The following ENAH variants were observed in gnomAD, a reference collection of about 807,000 sequenced individuals.
The protein encoded by ENAH is ENAH actin regulator.
In ENAH, 23 loss-of-function variants were observed where a neutral mutation model predicts 78.7. That is an observed-to-expected ratio of 0.29 (90% CI 0.21 to 0.41). ENAH has a LOEUF of 0.41. ENAH is among the 10% of genes least tolerant of loss of function. The pLI is 1.00. For synonymous variants in ENAH, 226 were observed against 241.0 expected, an observed-to-expected ratio of 0.94 and a Z score of 0.58; for missense variants, 544 against 691.0, an observed-to-expected ratio of 0.79 and a Z score of 2.39.
intron 12 of ENAH, among the ~76,000 whole-genome samples, chr1:225,499,959 A>C (rs988880767): frequency 1.3e-5 from 2 of 152,252 alleles, no homozygotes; most frequent in African/African-American, 4.8e-5. Context: ...AGACTCACAG[A>C]TGCCCTGATC....
chr1:225,510,815 CAGCCTGGGCAACA>C (rs547889069), intron 10 of ENAH, among the ~76,000 whole-genome samples: 75 of 151,918 alleles, frequency 4.9e-4, no homozygotes, highest in Admixed American at 2.2e-3. Context: ...AGTTTGAGAC[CAGCCTGGGCAACA>C]TGGTGAAACC....
rs147078324 is a variant in ENAH, at chr1:225,630,975, A to G, written c.5+21711T>C. On this transcript the variant is annotated intron_variant, in intron 1 of 13. Coordinates refer to ENST00000366843, the MANE Select transcript of ENAH (RefSeq NM_018212.6). ...CCTTTGAACACTAGCATTTTATTGTATCTTCTAGTAAGTACAGAAAGACTT... is the reference window on the plus strand; with the variant it reads ...CCTTTGAACACTAGCATTTTATTGTGTCTTCTAGTAAGTACAGAAAGACTT... Among the ~76,000 whole-genome samples the G allele has an allele frequency of 5.1e-3, 781 of 152,330 alleles. 10 individuals carry two copies. Among genetic ancestry groups the G allele is most frequent in the African/African-American group, 0.018 (733 of 41,562 alleles).
intron 1 of ENAH, among the ~76,000 whole-genome samples, chr1:225,643,595 T>G (rs1304038381): frequency 6.6e-6 from 1 of 152,066 alleles, no homozygotes; most frequent in East Asian, 1.9e-4. Flanking sequence ...TCCAAAGCAA[T>G]GGAATATTAT....
chr1:225,554,851 T>C (rs1371825219), intron 3 of ENAH, 55 bp downstream of exon 3: 2 of 1,398,568 alleles, frequency 1.4e-6, no homozygotes, highest in African/African-American at 2.8e-5. Flanking sequence ...AATCTTCAGT[T>C]TTGCTTTGTC....
At chr1:225,515,784 A>G (rs1474743209) in intron 6 of ENAH, among the ~76,000 whole-genome samples, 13 of 152,170 alleles carry the variant, frequency 8.5e-5, no homozygotes, top group African/African-American at 3.1e-4. Context: ...GAAAACATCA[A>G]TTGTTAAAAG....
At chr1:225,506,252 A>G (rs537081842) in intron 11 of ENAH, among the ~76,000 whole-genome samples, 12 of 152,338 alleles carry the variant, frequency 7.9e-5, no homozygotes, top group Admixed American at 3.9e-4. Context: ...CAATAGCGCG[A>G]TATCAGCTCA....
chr1:225,632,356 G>A (rs565858246), intron 1 of ENAH, among the ~76,000 whole-genome samples: 1 of 152,202 alleles, frequency 6.6e-6, no homozygotes, highest in South Asian at 2.1e-4. Context: ...AAATTAGTTG[G>A]GCATAGTGGC....
At chr1:225,651,884 C>T (rs1313830369) in intron 1 of ENAH, among the ~76,000 whole-genome samples, 6 of 152,206 alleles carry the variant, frequency 3.9e-5, no homozygotes, top group African/African-American at 7.2e-5. Flanking sequence ...CCATATGTTT[C>T]ATCGTATCAA....
At chr1:225,632,868 C>T (rs1053990738) in intron 1 of ENAH, among the ~76,000 whole-genome samples, 1 of 152,120 alleles carries the variant, frequency 6.6e-6, no homozygotes, top group African/African-American at 2.4e-5. Flanking sequence ...TGCATATAGG[C>T]TTGGAAATGA....
chr1:225,637,243 T>C (rs1056251245), intron 1 of ENAH, among the ~76,000 whole-genome samples: 3 of 152,242 alleles, frequency 2.0e-5, no homozygotes, highest in African/African-American at 7.2e-5. Context: ...GGTCTCACTC[T>C]GTCGCCCAGG....
At chr1:225,562,963 A>G (rs970783981) in intron 2 of ENAH, among the ~76,000 whole-genome samples, 3 of 151,366 alleles carry the variant, frequency 2.0e-5, no homozygotes, top group African/African-American at 7.3e-5. Flanking sequence ...ACAGAGCAAA[A>G]CTCTGTGTCA....
At chr1:225,552,957 T>G (rs933154457) in intron 3 of ENAH, among the ~76,000 whole-genome samples, 7 of 152,228 alleles carry the variant, frequency 4.6e-5, no homozygotes, top group African/African-American at 1.7e-4. Flanking sequence ...AAAAAGGCTG[T>G]GCACGGTGGC....
At chr1:225,517,768 G>A in intron 5 of ENAH, 2 of 1,551,212 alleles carry the variant, frequency 1.3e-6, no homozygotes, top group Non-Finnish European at 1.7e-6. Flanking sequence ...AGGGTGGAAG[G>A]CTGAACCTAA....
chr1:225,519,255 C>G lies in ENAH; in HGVS notation c.745G>C (p.Glu249Gln). 1 of 1,614,232 alleles carries G rather than the reference C, an allele frequency of 6.2e-7. No homozygotes were observed. Among genetic ancestry groups the G allele is most frequent in the Non-Finnish European group, 8.5e-7 (1 of 1,180,050 alleles). The part of the protein sequence containing the change: ...ERERQERERQ[E>Q]QLEREQLEWE... The stretch of plus-strand genomic sequence containing the variant: ...TCCAGCTGTTCCCTTTCTAACTGCT[C>G]TTGTCGCTCCCTTTCTTGCCTCTCC... Residue 249 changes from glutamate (E) to glutamine (Q), a missense_variant, in exon 5 of 14, where the codon GAG becomes CAG. Around this residue, in one of 4 missense-constraint regions of ENAH, gnomAD observed 366 missense variants for 396.1 expected, o/e 0.92. Transcript: ENST00000366843.
Position 225,577,569 on chromosome 1 carries a change from TA to T in ENAH, c.6-10156del, listed in dbSNP as rs1238697264. Among the ~76,000 whole-genome samples, 10 of 152,278 alleles carry T rather than the reference TA, an allele frequency of 6.6e-5. No individual in the cohort carries two copies. In the South Asian group the frequency reaches 1.5e-3, roughly 22 times the overall value. On this transcript the variant is annotated intron_variant, in intron 1 of 13. Coordinates refer to ENST00000366843, the MANE Select transcript of ENAH (RefSeq NM_018212.6). The stretch of plus-strand genomic sequence containing the variant: ...TCTTTCTGAGAAATAGAATAATAAA[TA>T]AAAGGTAAAAACATCAATATGGCAC...
intron 1 of ENAH, among the ~76,000 whole-genome samples, chr1:225,639,745 A>ACACACACACAC (rs1558949307): frequency 5.8e-4 from 59 of 101,208 alleles, no homozygotes; most frequent in African/African-American, 3.8e-3. Flanking sequence ...CACACACACA[A>ACACACACACAC]GAAGGATGGT....
chr1:225,554,522 T>C (rs1044806103), intron 3 of ENAH, among the ~76,000 whole-genome samples: 1 of 152,204 alleles, frequency 6.6e-6, no homozygotes, highest in South Asian at 2.1e-4. Context: ...TCAGAAAACA[T>C]GTGTTTCTTT....
chr1:225,573,158 T>C (rs1219175142), intron 1 of ENAH, among the ~76,000 whole-genome samples: 3 of 152,180 alleles, frequency 2.0e-5, no homozygotes, highest in East Asian at 1.9e-4. Context: ...TTATTGAGAT[T>C]GCAGTAAAAC....
intron 3 of ENAH, among the ~76,000 whole-genome samples, chr1:225,540,163 C>T (rs543483306): frequency 3.5e-4 from 54 of 152,148 alleles, no homozygotes; most frequent in African/African-American, 1.2e-3. Context: ...GGTTTGTTTT[C>T]GTTTCTTTCA....
Sources: allele counts gnomAD v4.1 joint callset (sites outside exome capture counted in the v4.1 genomes callset), GRCh38; gene constraint gnomAD v4.1.1; regional missense constraint gnomAD v4.1.1; transcripts MANE v1.5; gene names NCBI Gene and HGNC (gene_info 2026-07-23, HGNC 2026-07-21).